The following GRIN3A variants were observed in gnomAD, a reference collection of about 807,000 sequenced individuals.
GRIN3A encodes glutamate ionotropic receptor NMDA type subunit 3A, also known as glutamate receptor ionotropic, NMDA 3A.
In GRIN3A, 47 loss-of-function variants were observed where a neutral mutation model predicts 92.4. The ratio of observed to expected loss-of-function variants is 0.51; its 90% CI spans 0.40 to 0.65. The LOEUF (loss-of-function observed/expected upper bound fraction) is 0.65. Among genes scored for constraint, GRIN3A ranks in the 30% least tolerant of loss-of-function variants. The pLI, the probability that GRIN3A is intolerant of heterozygous loss-of-function variation, is 0.00. For missense variants in GRIN3A, 1,324 were observed against 1,393.1 expected, an observed-to-expected ratio of 0.95 and a Z score of 0.79; for synonymous variants, 527 against 540.6, an observed-to-expected ratio of 0.97 and a Z score of 0.35.
chr9:101,592,353 G>C (rs1039625113), intron 6 of GRIN3A: 1 of 152,250 alleles, frequency 6.6e-6, no homozygotes, highest in Non-Finnish European at 1.5e-5. Context: ...GAAGAAGGGG[G>C]AAGGGAAGGG....
At chr9:101,672,985 T>C (rs971648380) in intron 2 of GRIN3A, among the ~76,000 whole-genome samples, 21 of 152,186 alleles carry the variant, frequency 1.4e-4, no homozygotes, top group African/African-American at 5.1e-4. Context: ...AATCTACTTT[T>C]AGATTTGTTA....
intron 1 of GRIN3A, among the ~76,000 whole-genome samples, chr9:101,714,918 A>G (rs560453154): frequency 6.6e-6 from 1 of 152,298 alleles, no homozygotes; most frequent in South Asian, 2.1e-4. Context: ...CAGTTCTGCT[A>G]CATTAAATGT....
chr9:101,602,469 C>G (rs919530675), intron 6 of GRIN3A, among the ~76,000 whole-genome samples: 11 of 152,126 alleles, frequency 7.2e-5, no homozygotes, highest in Non-Finnish European at 1.3e-4. Context: ...CCTGTGATCC[C>G]CCACAGACTT....
chr9:101,607,382 T>C (rs1193491392), intron 6 of GRIN3A, among the ~76,000 whole-genome samples: 2 of 152,272 alleles, frequency 1.3e-5, no homozygotes, highest in Non-Finnish European at 2.9e-5. Flanking sequence ...GAGTGTTTAA[T>C]TGCTCTATAG....
intron 6 of GRIN3A, among the ~76,000 whole-genome samples, chr9:101,588,562 T>G (rs1411510959): frequency 6.6e-6 from 1 of 152,182 alleles, no homozygotes; most frequent in Non-Finnish European, 1.5e-5. Context: ...GTTGTGCAGT[T>G]TTTTGAAAAA....
At chr9:101,599,592 G>C (rs954467917) in intron 6 of GRIN3A, among the ~76,000 whole-genome samples, 25 of 152,288 alleles carry the variant, frequency 1.6e-4, no homozygotes, top group African/African-American at 5.3e-4. Context: ...AAATTAAAAG[G>C]GTTGACTAAC....
intron 4 of GRIN3A, among the ~76,000 whole-genome samples, chr9:101,625,318 G>A (rs1828617321): frequency 6.6e-6 from 1 of 152,074 alleles, no homozygotes; most frequent in African/African-American, 2.4e-5. Context: ...AGATCCAGTG[G>A]TGAGGCTGTT....
At chr9:101,641,209 AT>A (rs1473802954) in intron 3 of GRIN3A, among the ~76,000 whole-genome samples, 1 of 152,232 alleles carries the variant, frequency 6.6e-6, no homozygotes, top group East Asian at 1.9e-4. Context: ...TAGTTCAACC[AT>A]TGTGGAAGTC....
Position 101,587,605 on chromosome 9 carries a change from T to C in GRIN3A, c.2767-8245A>G, listed in dbSNP as rs78240646. ...TAACTTAATTACATTTACTCTGACA[T>C]TCCCTATTAAATATTTTTCCCCAGA... On this transcript the variant is annotated intron_variant, in intron 6 of 8. Coordinates refer to ENST00000361820, the MANE Select transcript of GRIN3A (RefSeq NM_133445.3). Among the ~76,000 whole-genome samples the C allele has an allele frequency of 2.4e-3, 361 of 152,338 alleles. 2 individuals are homozygous for C. The highest frequency in any genetic ancestry group is 4.0e-3 in the Non-Finnish European group (275 of 68,032).
In GRIN3A at chr9:101,579,241, T is replaced by G; in HGVS notation, c.2886A>C (p.Arg962=). 2 of 1,613,938 alleles carry G rather than the reference T, an allele frequency of 1.2e-6. No homozygotes were observed. The highest frequency in any genetic ancestry group is 2.2e-5 in the South Asian group (2 of 91,078). ...ATTGCAGCTTGGATTTGTTTTTGAT[T>G]CGTGGTAGCAGCAGCCTGTATACTA... The part of the protein sequence containing the change: ...EHIVYRLLLP[R]IKNKSKLQYW... The change falls in exon 7 of 9, where the codon CGA becomes CGC. Residue 962 remains arginine, a synonymous_variant. Coordinates refer to ENST00000361820, the MANE Select transcript of GRIN3A (RefSeq NM_133445.3).
intron 6 of GRIN3A, among the ~76,000 whole-genome samples, chr9:101,611,431 T>C (rs1828366683): frequency 6.6e-6 from 1 of 152,180 alleles, no homozygotes; most frequent in Admixed American, 6.5e-5. Flanking sequence ...TTAACTTCAC[T>C]AACTACATTT....
chr9:101,711,419 T>G (rs1158548698), intron 1 of GRIN3A, among the ~76,000 whole-genome samples: 7 of 152,274 alleles, frequency 4.6e-5, no homozygotes, highest in African/African-American at 1.7e-4. Flanking sequence ...TATGAATTGT[T>G]TATTTTCGGT....
intron 2 of GRIN3A, among the ~76,000 whole-genome samples, chr9:101,675,028 T>C (rs1044517351): frequency 6.6e-6 from 1 of 151,924 alleles, no homozygotes. Context: ...TGGAGGCAAG[T>C]AAAATGCACA....
rs58033393 is a variant in GRIN3A, at chr9:101,730,393, A to G, written c.699+6888T>C. Among the ~76,000 whole-genome samples, 255 of 152,270 alleles carry G rather than the reference A, an allele frequency of 1.7e-3. 2 individuals carry two copies. The highest frequency in any genetic ancestry group is 5.8e-3 in the African/African-American group (243 of 41,568). ...TCTTGCCACGTCAACACTTTATGCT[A>G]AAAGAACAATTATCAACATCATAAG... On this transcript the variant is annotated intron_variant, in intron 1 of 8. Transcript: ENST00000361820.
At chr9:101,725,403 T>C (rs1830071979) in intron 1 of GRIN3A, among the ~76,000 whole-genome samples, 1 of 152,126 alleles carries the variant, frequency 6.6e-6, no homozygotes, top group African/African-American at 2.4e-5. Context: ...AATGGGGCTA[T>C]GAGAAATATA....
intron 3 of GRIN3A, among the ~76,000 whole-genome samples, chr9:101,649,420 G>C (rs944346649): frequency 4.6e-5 from 7 of 151,978 alleles, no homozygotes; most frequent in Non-Finnish European, 1.0e-4. Context: ...AGGTGGTTCA[G>C]CCATATTAGC....
At position 101,631,112 on chromosome 9, in the gene GRIN3A, CAT is replaced by C. The variant is rs200135234; in HGVS notation, c.2353-2713_2353-2712del. Among the ~76,000 whole-genome samples, 855 of 152,228 alleles carry C rather than the reference CAT, an allele frequency of 5.6e-3. 7 individuals carry two copies. Among genetic ancestry groups the C allele is most frequent in the African/African-American group, 0.02 (823 of 41,524 alleles). ...GCAGTTTTAAATTTAATTATGTAAT[CAT>C]GTGATTAGCGTCTAGACTCTCAGTT... On this transcript the variant is annotated intron_variant, in intron 3 of 8. Coordinates refer to ENST00000361820, the MANE Select transcript of GRIN3A (RefSeq NM_133445.3).
intron 1 of GRIN3A, among the ~76,000 whole-genome samples, chr9:101,729,361 G>C (rs1488890874): frequency 1.3e-5 from 2 of 152,150 alleles, no homozygotes; most frequent in Non-Finnish European, 2.9e-5. Flanking sequence ...AAAGTCAAGG[G>C]TGGCATTCTT....
intron 2 of GRIN3A, among the ~76,000 whole-genome samples, chr9:101,675,058 G>A (rs1314023500): frequency 6.6e-6 from 1 of 151,970 alleles, no homozygotes; most frequent in African/African-American, 2.4e-5. Context: ...GAAAAATGGT[G>A]ACTAAGAGAC....
Sources: gnomAD v4.1 joint callset for allele counts (sites outside exome capture counted in the v4.1 genomes callset) on GRCh38, gnomAD v4.1.1 for gene constraint, MANE v1.5 for transcripts, NCBI Gene and HGNC (gene_info 2026-07-23, HGNC 2026-07-21) for gene names.